Variants in TRPM8 observed in about 807,000 individuals in gnomAD.
TRPM8 encodes the protein transient receptor potential cation channel subfamily M member 8, also known as TRPM8 cationic channel.
TRPM8 carries 110 observed loss-of-function variants against 133.7 expected under a neutral mutation model. The observed-to-expected ratio is 0.82, with a 90% confidence interval of 0.70 to 0.96. The LOEUF is 0.96. Ranked by LOEUF, TRPM8 falls within the 40% of genes least tolerant of loss-of-function variation. The probability of loss-of-function intolerance (pLI) is 0.00; values close to 1 mark genes in which losing one functional copy is unlikely to be tolerated. For synonymous variants in TRPM8, 535 were observed against 532.3 expected, an observed-to-expected ratio of 1.01 and a Z score of -0.07; for missense variants, 1,291 against 1,379.5, an observed-to-expected ratio of 0.94 and a Z score of 1.02.
At chr2:233,980,152 C>A (rs1394545183) in intron 17 of TRPM8, 36 bp from the exon 18 acceptor site, 1 of 1,366,682 alleles carries the variant, frequency 7.3e-7, no homozygotes, top group Non-Finnish European at 1.0e-6. Flanking sequence ...TATTTCCAAG[C>A]TGCTGATGTC....
chr2:233,945,816 A>G (rs201576995), intron 6 of TRPM8, 40 bp from the exon 7 acceptor site: 4 of 1,565,236 alleles, frequency 2.6e-6, no homozygotes, highest in Non-Finnish European at 3.5e-6. Context: ...ATCTTGACTG[A>G]TAATACAATC....
chr2:233,956,871 G>GATTCATAA (rs528150437), intron 11 of TRPM8, among the ~76,000 whole-genome samples: 213 of 152,288 alleles, frequency 1.4e-3, no homozygotes, highest in African/African-American at 3.9e-3. Context: ...CCAGTCAATT[G>GATTCATAA]ATTCATAAAT....
chr2:234,003,749 A>C (rs1692626462), intron 22 of TRPM8, among the ~76,000 whole-genome samples: 1 of 152,238 alleles, frequency 6.6e-6, no homozygotes, highest in Non-Finnish European at 1.5e-5. Context: ...AGTGTGGGCT[A>C]TCTGGAAATG....
intron 24 of TRPM8, among the ~76,000 whole-genome samples, chr2:234,009,689 T>G (rs17874956): frequency 0.022 from 3,292 of 152,192 alleles, 60 homozygotes; most frequent in Non-Finnish European, 0.035. Flanking sequence ...AATTTCCCCC[T>G]CTGTCCTCTT....
rs531221199 is a variant in TRPM8, at chr2:233,972,629, C to T, written c.2355+2203C>T. On this transcript the variant is annotated intron_variant, in intron 17 of 25. Coordinates refer to ENST00000324695, the MANE Select transcript of TRPM8 (RefSeq NM_024080.5). ...GCCCTGCCCCACGGGAAGGCAGCTACGGCCCGGTGAGAAATTGAGTGCAGC... is the reference window on the plus strand; with the variant it reads ...GCCCTGCCCCACGGGAAGGCAGCTATGGCCCGGTGAGAAATTGAGTGCAGC... Among the ~76,000 whole-genome samples the T allele has an allele frequency of 2.3e-4, 35 of 152,354 alleles. No homozygotes were observed. The South Asian group carries it at 5.2e-3, about 23-fold the overall frequency.
chr2:233,943,397 G>A (rs966897803), intron 6 of TRPM8, among the ~76,000 whole-genome samples: 1 of 152,140 alleles, frequency 6.6e-6, no homozygotes, highest in East Asian at 1.9e-4. Context: ...CACAAAAAAT[G>A]ATGAGTTCAT....
intron 5 of TRPM8, among the ~76,000 whole-genome samples, chr2:233,940,389 T>A (rs763869583): frequency 6.6e-6 from 1 of 152,168 alleles, no homozygotes; most frequent in Non-Finnish European, 1.5e-5. Flanking sequence ...CTGTGGGTTG[T>A]CACTTTGTTA....
intron 23 of TRPM8, among the ~76,000 whole-genome samples, chr2:234,007,389 T>C (rs924526729): frequency 6.6e-6 from 1 of 152,224 alleles, no homozygotes; most frequent in Non-Finnish European, 1.5e-5. Flanking sequence ...ACCATTTTGT[T>C]GATCTGTTAC....
chr2:233,945,808 C>A, intron 6 of TRPM8, 48 bp from the exon 7 acceptor site: 1 of 1,522,618 alleles, frequency 6.6e-7, no homozygotes. Flanking sequence ...CATCATGTAT[C>A]TTGACTGATA....
intron 14 of TRPM8, 44 bp downstream of exon 14, chr2:233,964,801 A>T: frequency 6.4e-7 from 1 of 1,555,796 alleles, no homozygotes; most frequent in Non-Finnish European, 8.8e-7. Flanking sequence ...CGGATCTGCC[A>T]TGTGGCACAG....
At chr2:233,975,963 G>A (rs1234265328) in intron 17 of TRPM8, among the ~76,000 whole-genome samples, 1 of 152,160 alleles carries the variant, frequency 6.6e-6, no homozygotes, top group African/African-American at 2.4e-5. Context: ...TGAGAGAGAG[G>A]ACTTGTTCTG....
At chr2:233,990,091 T>C (rs1692236423) in intron 21 of TRPM8, among the ~76,000 whole-genome samples, 1 of 152,178 alleles carries the variant, frequency 6.6e-6, no homozygotes, top group African/African-American at 2.4e-5. Flanking sequence ...TAAGGGAGGT[T>C]ATTGAATTGG....
intron 6 of TRPM8, among the ~76,000 whole-genome samples, chr2:233,945,019 G>A (rs974780840): frequency 6.6e-6 from 1 of 152,060 alleles, no homozygotes; most frequent in African/African-American, 2.4e-5. Flanking sequence ...AACCACTATA[G>A]TATTCAGATT....
intron 1 of TRPM8, among the ~76,000 whole-genome samples, chr2:233,923,565 G>A (rs1691452961): frequency 1.3e-5 from 2 of 152,182 alleles, no homozygotes; most frequent in South Asian, 2.1e-4. Flanking sequence ...TCCATGGGCC[G>A]GCATCCACTG....
intron 15 of TRPM8, among the ~76,000 whole-genome samples, chr2:233,969,440 T>C (rs1691652653): frequency 6.6e-6 from 1 of 152,030 alleles, no homozygotes. Context: ...TGAGCTGAGA[T>C]TGCACCATTG....
intron 21 of TRPM8, among the ~76,000 whole-genome samples, chr2:233,988,928 GAA>G (rs1484396902): frequency 2.6e-5 from 4 of 152,202 alleles, no homozygotes; most frequent in African/African-American, 9.7e-5. Flanking sequence ...AGGCGAGGGC[GAA>G]GTGGGATGGC....
In TRPM8 at chr2:233,966,671, C is replaced by A. The variant is rs768473436; in HGVS notation, c.1941C>A (p.Ser647=). 2 of 1,614,028 alleles carry A rather than the reference C, an allele frequency of 1.2e-6. No individual in the cohort carries two copies. The highest frequency in any genetic ancestry group is 1.7e-6 in the Non-Finnish European group (2 of 1,179,952). ...EDLAEQLLVY[S]CEAWGGSNCL... ...TGGCAGAACAGCTGCTGGTCTATTC[C>A]TGTGAAGCTTGGGGTGGAAGCAACT... Residue 647 remains serine, a synonymous_variant, in exon 15 of 26, where the codon TCC becomes TCA. Transcript: ENST00000324695.
intron 17 of TRPM8, among the ~76,000 whole-genome samples, chr2:233,971,346 T>C (rs1691711437): frequency 6.6e-6 from 1 of 152,214 alleles, no homozygotes; most frequent in Non-Finnish European, 1.5e-5. Context: ...CTTTTTTTAG[T>C]GACTTCTAGC....
intron 4 of TRPM8, among the ~76,000 whole-genome samples, chr2:233,937,870 T>G (rs1039470558): frequency 2.6e-5 from 4 of 152,200 alleles, no homozygotes; most frequent in Admixed American, 6.5e-5. Context: ...GCCCTGAATA[T>G]GCATTCCCTT....
Sources: allele counts gnomAD v4.1 joint callset (sites outside exome capture counted in the v4.1 genomes callset), GRCh38; gene constraint gnomAD v4.1.1; transcripts MANE v1.5; gene names NCBI Gene and HGNC (gene_info 2026-07-23, HGNC 2026-07-21).